Variants in ROBO2 observed in about 807,000 individuals in gnomAD.
The protein encoded by ROBO2 is roundabout guidance receptor 2.
ROBO2 carries 53 observed loss-of-function variants against 160.8 expected under a neutral mutation model. That is an observed-to-expected ratio of 0.33 (90% CI 0.26 to 0.41). ROBO2 has a LOEUF of 0.41. Among genes scored for constraint, ROBO2 ranks in the 10% least tolerant of loss-of-function variants. ROBO2 has a pLI of 1.00. For synonymous variants in ROBO2, 664 were observed against 611.7 expected, an observed-to-expected ratio of 1.09 and a Z score of -1.26; for missense variants, 1,577 against 1,722.4, an observed-to-expected ratio of 0.92 and a Z score of 1.49.
intron 2 of ROBO2, among the ~76,000 whole-genome samples, chr3:76,712,003 T>C (rs1326676990): frequency 1.3e-5 from 2 of 152,192 alleles, no homozygotes; most frequent in Non-Finnish European, 2.9e-5. Context: ...TTCCAGAATA[T>C]AGGAAGTTTC....
intron 2 of ROBO2, among the ~76,000 whole-genome samples, chr3:76,721,237 A>G (rs565048927): frequency 8.6e-5 from 13 of 151,122 alleles, no homozygotes; most frequent in African/African-American, 2.9e-4. Flanking sequence ...AAGTTTCCTA[A>G]CTTCTACATA....
chr3:76,081,123 T>C (rs1364645010), intron 2 of ROBO2, among the ~76,000 whole-genome samples: 1 of 150,390 alleles, frequency 6.6e-6, no homozygotes, highest in Non-Finnish European at 1.5e-5. Flanking sequence ...CATTGAAAAT[T>C]AGTGTTTTAT....
intron 2 of ROBO2, among the ~76,000 whole-genome samples, chr3:77,238,059 T>C (rs966753009): frequency 1.3e-5 from 2 of 149,524 alleles, no homozygotes; most frequent in African/African-American, 4.9e-5. Flanking sequence ...TTTGTGAAAG[T>C]CTCTGACACA....
intron 2 of ROBO2, among the ~76,000 whole-genome samples, chr3:76,359,857 T>C (rs1035229464): frequency 6.6e-6 from 1 of 152,026 alleles, no homozygotes; most frequent in Non-Finnish European, 1.5e-5. Flanking sequence ...CAGTATATTA[T>C]AGAGAGAACT....
At chr3:77,221,830 CTT>C (rs1293718469) in intron 2 of ROBO2, among the ~76,000 whole-genome samples, 9 of 148,750 alleles carry the variant, frequency 6.1e-5, no homozygotes, top group African/African-American at 2.2e-4. Context: ...TGGACTTTTT[CTT>C]TTTTCTTTTC....
chr3:77,634,102 A>G (rs573135985), intron 23 of ROBO2: 2 of 151,816 alleles, frequency 1.3e-5, no homozygotes, highest in East Asian at 3.9e-4. Context: ...TTGAAAATTT[A>G]TTAGCTAACC....
chr3:76,890,590 T>C (rs927041926), intron 2 of ROBO2, among the ~76,000 whole-genome samples: 8 of 152,166 alleles, frequency 5.3e-5, no homozygotes, highest in Non-Finnish European at 1.2e-4. Flanking sequence ...GTGTACAGTA[T>C]TGATAGATTA....
At chr3:76,513,103 AG>A (rs60293941) in intron 2 of ROBO2, among the ~76,000 whole-genome samples, 1 of 152,326 alleles carries the variant, frequency 6.6e-6, no homozygotes, top group African/African-American at 2.4e-5. Flanking sequence ...AAGTTGATCA[AG>A]GAAGTTCTCT....
chr3:76,478,183 C>G (rs1010690720), intron 2 of ROBO2, among the ~76,000 whole-genome samples: 2 of 127,202 alleles, frequency 1.6e-5, no homozygotes, highest in South Asian at 3.4e-4. Flanking sequence ...CCCCCTCCCC[C>G]CCACCCCACA....
chr3:77,341,091 C>T (rs751805565), intron 2 of ROBO2, among the ~76,000 whole-genome samples: 17 of 152,062 alleles, frequency 1.1e-4, no homozygotes, highest in Non-Finnish European at 1.5e-4. Flanking sequence ...ATTGTTGGAA[C>T]GTAGCCATGC....
At chr3:76,572,625 T>G (rs1313930285) in intron 2 of ROBO2, among the ~76,000 whole-genome samples, 1 of 152,196 alleles carries the variant, frequency 6.6e-6, no homozygotes, top group African/African-American at 2.4e-5. Context: ...TCAAAATGAA[T>G]ACGTCAAAAA....
At chr3:77,572,422 C>A (rs2093659856) in intron 13 of ROBO2, among the ~76,000 whole-genome samples, 1 of 151,806 alleles carries the variant, frequency 6.6e-6, no homozygotes, top group Admixed American at 6.6e-5. Flanking sequence ...AAGAATGTAT[C>A]CAATGGTAGA....
chr3:77,454,144 C>T (rs1280844590), intron 2 of ROBO2, among the ~76,000 whole-genome samples: 2 of 149,676 alleles, frequency 1.3e-5, no homozygotes, highest in African/African-American at 2.5e-5. Flanking sequence ...TAATACTTGC[C>T]GGTTTATGGT....
chr3:76,268,786 A>G (rs778224180), intron 2 of ROBO2, among the ~76,000 whole-genome samples: 3 of 152,170 alleles, frequency 2.0e-5, no homozygotes, highest in Admixed American at 6.6e-5. Context: ...CATAAATTGG[A>G]AGTTGACTGC....
intron 1 of ROBO2, among the ~76,000 whole-genome samples, chr3:77,042,979 A>G (rs965903346): frequency 6.6e-6 from 1 of 152,218 alleles, no homozygotes; most frequent in Non-Finnish European, 1.5e-5. Context: ...TGCTGTGTCA[A>G]AAGCAAAGGA....
At chr3:77,235,864 C>T (rs921800820) in intron 2 of ROBO2, among the ~76,000 whole-genome samples, 2 of 152,174 alleles carry the variant, frequency 1.3e-5, no homozygotes, top group Admixed American at 6.5e-5. Flanking sequence ...TAGGCCCCCT[C>T]ACTATCAACA....
intron 2 of ROBO2, among the ~76,000 whole-genome samples, chr3:77,172,647 G>T (rs751082370): frequency 3.3e-5 from 5 of 152,090 alleles, no homozygotes; most frequent in Non-Finnish European, 5.9e-5. Context: ...TGTGATTTTG[G>T]TAGTGTCCTT....
At chr3:77,427,083 G>A (rs182111993) in intron 2 of ROBO2, among the ~76,000 whole-genome samples, 382 of 152,272 alleles carry the variant, frequency 2.5e-3, no homozygotes, top group African/African-American at 8.8e-3. Context: ...CAGATTCCTG[G>A]AGAGGGCATA....
chr3:76,795,836 A>G (rs1056946592), intron 2 of ROBO2, among the ~76,000 whole-genome samples: 1 of 152,072 alleles, frequency 6.6e-6, no homozygotes, highest in South Asian at 2.1e-4. Context: ...AAAAATCACT[A>G]TCTATGTCAG....
Sources: gnomAD v4.1 joint callset for allele counts (sites outside exome capture counted in the v4.1 genomes callset) on GRCh38, gnomAD v4.1.1 for gene constraint, MANE v1.5 for transcripts, NCBI Gene and HGNC (gene_info 2026-07-23, HGNC 2026-07-21) for gene names.